INTS10: variants seen among roughly 807,000 people sequenced by gnomAD.
INTS10 encodes chromosome 8 open reading frame 35.
Under a neutral mutation model 94.4 loss-of-function variants are expected in INTS10, and 44 were observed. The ratio of observed to expected loss-of-function variants is 0.47; its 90% CI spans 0.37 to 0.60. The LOEUF is 0.60. INTS10 is among the 20% of genes least tolerant of loss of function. The probability of loss-of-function intolerance (pLI) is 0.00; values close to 1 mark genes in which losing one functional copy is unlikely to be tolerated. For missense variants in INTS10, 797 were observed against 868.7 expected, an observed-to-expected ratio of 0.92 and a Z score of 1.04; for synonymous variants, 341 against 320.7, an observed-to-expected ratio of 1.06 and a Z score of -0.68.
intron 8 of INTS10, 111 bp downstream of exon 8, chr8:19,825,083 T>TTATTTTTTATA: frequency 1.2e-6 from 1 of 827,752 alleles, no homozygotes; most frequent in South Asian, 1.6e-5. Context: ...TGTGGGGCAG[T>TTATTTTTTATA]ACCAGTCCTT....
intron 15 of INTS10, among the ~76,000 whole-genome samples, chr8:19,845,095 G>C (rs2128808543): frequency 6.6e-6 from 1 of 152,146 alleles, no homozygotes; most frequent in African/African-American, 2.4e-5. Flanking sequence ...GTTTGGGACA[G>C]ATATCTTTTG....
At chr8:19,819,111 C>A (rs2066168279) in intron 2 of INTS10, among the ~76,000 whole-genome samples, 1 of 152,110 alleles carries the variant, frequency 6.6e-6, no homozygotes, top group Non-Finnish European at 1.5e-5. Context: ...TTTTCCCATA[C>A]CCTTCCCAAC....
chr8:19,820,608 G>A (rs919381634), intron 4 of INTS10, 90 bp downstream of exon 4: 4 of 1,184,630 alleles, frequency 3.4e-6, no homozygotes, highest in Admixed American at 2.3e-5. Context: ...CAAAGCAGAA[G>A]TTTCTGAAGA....
chr8:19,842,489 T>C (rs913036956), intron 13 of INTS10, among the ~76,000 whole-genome samples: 1 of 152,222 alleles, frequency 6.6e-6, no homozygotes, highest in Admixed American at 6.5e-5. Flanking sequence ...TAACTGATTT[T>C]GTGATTATTG....
chr8:19,839,742 CTA>C (rs953610703), intron 13 of INTS10, among the ~76,000 whole-genome samples: 2 of 151,850 alleles, frequency 1.3e-5, no homozygotes, highest in Non-Finnish European at 2.9e-5. Context: ...ACATATTTGG[CTA>C]TGTAGAAAAC....
At chr8:19,818,094 G>A (rs2066078576) in intron 1 of INTS10, 181 bp from the exon 2 acceptor site, 1 of 638,474 alleles carries the variant, frequency 1.6e-6, no homozygotes, top group African/African-American at 1.8e-5. Context: ...GATTGCAGGT[G>A]AACCCCAGGG....
chr8:19,841,984 GA>G, intron 13 of INTS10: 1 of 253,664 alleles, frequency 3.9e-6, no homozygotes, highest in Non-Finnish European at 7.9e-6. Context: ...GATCCCATGT[GA>G]AAAATATTTA....
intron 9 of INTS10, among the ~76,000 whole-genome samples, 172 bp from the exon 10 acceptor site, chr8:19,830,233 AC>A (rs1284908625): frequency 3.5e-5 from 3 of 85,016 alleles, no homozygotes; most frequent in Admixed American, 1.0e-4. Flanking sequence ...GAGTATAAAG[AC>A]AAAAAAAAAT....
chr8:19,825,085 C>T, intron 8 of INTS10, 113 bp downstream of exon 8: 1 of 825,070 alleles, frequency 1.2e-6, no homozygotes, highest in East Asian at 2.5e-5. Flanking sequence ...TGGGGCAGTA[C>T]CAGTCCTTTT....
At chr8:19,822,640 G>A in intron 5 of INTS10, 120 bp downstream of exon 5, 1 of 601,172 alleles carries the variant, frequency 1.7e-6, no homozygotes, top group South Asian at 2.3e-5. Flanking sequence ...TGGCATTTAA[G>A]TTCTTTTTTT....
At chr8:19,850,296 G>T (rs1446281685) in intron 16 of INTS10, among the ~76,000 whole-genome samples, 1 of 152,148 alleles carries the variant, frequency 6.6e-6, no homozygotes, top group East Asian at 1.9e-4. Flanking sequence ...TAAATGGTTT[G>T]CATCTATCCT....
At chr8:19,842,333 T>C (rs1330726100) in intron 13 of INTS10, among the ~76,000 whole-genome samples, 2 of 152,120 alleles carry the variant, frequency 1.3e-5, no homozygotes, top group African/African-American at 4.8e-5. Flanking sequence ...AATGACACCA[T>C]TTATATAGTA....
intron 15 of INTS10, chr8:19,845,426 C>A: frequency 2.9e-6 from 1 of 349,904 alleles, no homozygotes; most frequent in East Asian, 4.4e-5. Flanking sequence ...CCTGGCACAT[C>A]TCATGCCAAG....
intron 2 of INTS10, chr8:19,818,686 G>A (rs1191045166): frequency 6.2e-6 from 2 of 321,666 alleles, no homozygotes; most frequent in East Asian, 7.8e-5. Flanking sequence ...TTTGTAGGCA[G>A]TATATCTATA....
intron 10 of INTS10, among the ~76,000 whole-genome samples, chr8:19,831,740 T>A (rs2067242632): frequency 6.6e-6 from 1 of 152,140 alleles, no homozygotes; most frequent in South Asian, 2.1e-4. Flanking sequence ...GCAAAGTGGC[T>A]TAAAAGATAA....
At chr8:19,830,824 G>T (rs562577501) in intron 10 of INTS10, among the ~76,000 whole-genome samples, 1 of 152,036 alleles carries the variant, frequency 6.6e-6, no homozygotes, top group African/African-American at 2.4e-5. Flanking sequence ...AGGCACGTGC[G>T]ACCATGCCCG....
At chr8:19,834,940 A>T (rs2067531861) in intron 12 of INTS10, among the ~76,000 whole-genome samples, 1 of 152,096 alleles carries the variant, frequency 6.6e-6, no homozygotes, top group Admixed American at 6.5e-5. Context: ...AGTCGCTCTG[A>T]TAAGGGCACG....
At chr8:19,825,415 A>G (rs1478044642) in intron 8 of INTS10, among the ~76,000 whole-genome samples, 1 of 152,066 alleles carries the variant, frequency 6.6e-6, no homozygotes, top group Non-Finnish European at 1.5e-5. Flanking sequence ...AATCCCAGCT[A>G]CTTGGGAACC....
intron 4 of INTS10, chr8:19,821,510 A>T (rs146860524): frequency 6.6e-6 from 1 of 152,174 alleles, no homozygotes. Flanking sequence ...GTGCAGTGGC[A>T]TGATCTTGGC....
Sources: allele counts gnomAD v4.1 joint callset (sites outside exome capture counted in the v4.1 genomes callset), GRCh38; gene constraint gnomAD v4.1.1; transcripts MANE v1.5; gene names NCBI Gene and HGNC (gene_info 2026-07-23, HGNC 2026-07-21).